ABHD12: variants seen among roughly 807,000 people sequenced by gnomAD.
ABHD12 encodes the protein lysophosphatidylserine lipase ABHD12.
Under a neutral mutation model 58.3 loss-of-function variants are expected in ABHD12, and 43 were observed. The ratio of observed to expected loss-of-function variants is 0.74; its 90% CI spans 0.58 to 0.95. The LOEUF is 0.95. ABHD12 is among the 40% of genes least tolerant of loss of function. The pLI is 0.00. For synonymous variants in ABHD12, 219 were observed against 211.2 expected (o/e 1.04, Z -0.32); for missense variants, 539 against 537.2 (o/e 1.00, Z -0.03).
chr20:25,308,870 A>G (rs1190336236), intron 7 of ABHD12, among the ~76,000 whole-genome samples: 1 of 152,172 alleles, frequency 6.6e-6, no homozygotes, highest in Non-Finnish European at 1.5e-5. Context: ...CACCTGGTGG[A>G]CCACGCAGAC....
At chr20:25,375,319 AC>A (rs1194206566) in intron 1 of ABHD12, among the ~76,000 whole-genome samples, 1 of 152,144 alleles carries the variant, frequency 6.6e-6, no homozygotes, top group Non-Finnish European at 1.5e-5. Flanking sequence ...ATTTCCCACT[AC>A]TGAAGCATGC....
chr20:25,307,858 T>C (rs1282029960), intron 9 of ABHD12, 108 bp downstream of exon 9: 2 of 477,340 alleles, frequency 4.2e-6, no homozygotes, highest in Non-Finnish European at 7.0e-6. Context: ...TTCATTAGAA[T>C]ATTTAAATAA....
intron 6 of ABHD12, among the ~76,000 whole-genome samples, chr20:25,309,971 C>T (rs2088818288): frequency 6.6e-6 from 1 of 152,220 alleles, no homozygotes. Flanking sequence ...CTGGGACTTG[C>T]CCCACCCTCT....
intron 12 of ABHD12, chr20:25,295,059 G>A (rs1568701595): frequency 6.2e-7 from 1 of 1,610,712 alleles, no homozygotes; most frequent in East Asian, 2.2e-5. Flanking sequence ...TTTTAAAATT[G>A]TGAACTCTGC....
chr20:25,343,399 A>C (rs2089479856), intron 1 of ABHD12, among the ~76,000 whole-genome samples: 2 of 152,244 alleles, frequency 1.3e-5, no homozygotes, highest in African/African-American at 4.8e-5. Context: ...ACAAAAAAGA[A>C]GACTAAGCTG....
At chr20:25,346,124 A>G (rs1384094629) in intron 1 of ABHD12, among the ~76,000 whole-genome samples, 1 of 152,214 alleles carries the variant, frequency 6.6e-6, no homozygotes, top group African/African-American at 2.4e-5. Context: ...AATATTATTC[A>G]GTGCTAAACA....
intron 1 of ABHD12, among the ~76,000 whole-genome samples, chr20:25,368,112 C>A (rs191960562): frequency 1.2e-4 from 19 of 152,266 alleles, no homozygotes; most frequent in Admixed American, 1.2e-3. Context: ...ACACTGCAAT[C>A]CAGCTAGGCA....
intron 1 of ABHD12, chr20:25,390,143 C>G (rs2090149895): frequency 5.3e-6 from 1 of 187,872 alleles, no homozygotes; most frequent in African/African-American, 2.4e-5. Flanking sequence ...TCCCCACCCC[C>G]TACCCTGCTC....
intron 1 of ABHD12, among the ~76,000 whole-genome samples, chr20:25,362,555 G>C (rs1221518039): frequency 8.0e-6 from 1 of 124,648 alleles, no homozygotes; most frequent in African/African-American, 2.9e-5. Flanking sequence ...CACAGAGCGA[G>C]ACTCTGTCTC....
chr20:25,378,760 T>C (rs2089989193), intron 1 of ABHD12, among the ~76,000 whole-genome samples: 1 of 149,660 alleles, frequency 6.7e-6, no homozygotes, highest in Non-Finnish European at 1.5e-5. Context: ...GAACAAACCC[T>C]AAGTTTCAGC....
rs960972442 is a variant in ABHD12, at chr20:25,388,214, T to C, written c.191+2299A>G. On this transcript the variant is annotated intron_variant, in intron 1 of 12. Coordinates refer to ENST00000339157, the MANE Select transcript of ABHD12 (RefSeq NM_001042472.3). ...TGTCGACAATAAAGAGTTTAAAAAA[T>C]GTGCGGAAGGATCCAAAGAAGGATC... Among the ~76,000 whole-genome samples, 4 of 152,212 alleles carry C rather than the reference T, an allele frequency of 2.6e-5. No individual in the cohort carries two copies. In the South Asian group the frequency reaches 6.2e-4, roughly 24 times the overall value.
At chr20:25,366,534 G>T (rs1299510553) in intron 1 of ABHD12, among the ~76,000 whole-genome samples, 1 of 152,100 alleles carries the variant, frequency 6.6e-6, no homozygotes, top group Non-Finnish European at 1.5e-5. Flanking sequence ...CCAAAGTGCT[G>T]GGATTACAGG....
At chr20:25,329,949 T>G (rs1281805382) in intron 2 of ABHD12, among the ~76,000 whole-genome samples, 1 of 152,030 alleles carries the variant, frequency 6.6e-6, no homozygotes, top group Non-Finnish European at 1.5e-5. Context: ...GGAATTGTGT[T>G]GAGGGAGGAG....
At chr20:25,386,076 G>C (rs2090086106) in intron 1 of ABHD12, among the ~76,000 whole-genome samples, 1 of 151,576 alleles carries the variant, frequency 6.6e-6, no homozygotes, top group Non-Finnish European at 1.5e-5. Context: ...ACTCCAGCCT[G>C]GGTGATGCAG....
At chr20:25,363,214 CATTTT>C (rs1489651516) in intron 1 of ABHD12, among the ~76,000 whole-genome samples, 1 of 149,898 alleles carries the variant, frequency 6.7e-6, no homozygotes. Context: ...AAATGATTGA[CATTTT>C]ACTTTTTTTT....
chr20:25,323,404 T>G lies in ABHD12; in HGVS notation c.343A>C (p.Lys115Gln). 1 of 1,613,136 alleles carries G rather than the reference T, an allele frequency of 6.2e-7. No homozygotes were observed. The highest frequency in any genetic ancestry group is 8.5e-7 in the Non-Finnish European group (1 of 1,179,066). The part of the protein sequence containing the change: ...FVRVPYFIDL[K>Q]KPQDQGLNHT... Reference sequence around the variant, plus strand: ...TTCAAACCTTGATCCTGTGGTTTTTTCAAATCAATGAAATAGGGAACTCTT... The same window carrying G: ...TTCAAACCTTGATCCTGTGGTTTTTGCAAATCAATGAAATAGGGAACTCTT... Residue 115 changes from lysine to glutamine, a missense_variant, in exon 3 of 13, where the codon AAA becomes CAA. Transcript: ENST00000339157.
At chr20:25,318,625 C>CA (rs1332810431) in intron 4 of ABHD12, among the ~76,000 whole-genome samples, 1 of 150,094 alleles carries the variant, frequency 6.7e-6, no homozygotes, top group Non-Finnish European at 1.5e-5. Flanking sequence ...CACTGAAAGT[C>CA]ACGGCATCCC....
At chr20:25,350,098 T>C (rs1201659801) in intron 1 of ABHD12, among the ~76,000 whole-genome samples, 1 of 152,160 alleles carries the variant, frequency 6.6e-6, no homozygotes, top group Non-Finnish European at 1.5e-5. Flanking sequence ...GAAATAGGAA[T>C]ACAGGACATT....
In ABHD12 at chr20:25,314,965, C is replaced by T; in HGVS notation, c.579G>A (p.Leu193=). 1 of 1,614,234 alleles carries T rather than the reference C, an allele frequency of 6.2e-7. No homozygotes were observed. The change falls in exon 6 of 13, where the codon CTG becomes CTA. Residue 193 remains leucine, a synonymous_variant. Coordinates refer to ENST00000339157, the MANE Select transcript of ABHD12 (RefSeq NM_001042472.3). ...TGACCACATGGTAACCAAGGGAACT[C>T]AGCACCTGTAAAGTGAAAAATAAAC... The part of the protein sequence containing the change: ...GDHRVELYKV[L]SSLGYHVVTF...
Sources: allele counts gnomAD v4.1 joint callset (sites outside exome capture counted in the v4.1 genomes callset), GRCh38; gene constraint gnomAD v4.1.1; transcripts MANE v1.5; gene names NCBI Gene and HGNC (gene_info 2026-07-23, HGNC 2026-07-21).